DAB1: variants seen among roughly 807,000 people sequenced by gnomAD.
DAB1 encodes DAB adaptor protein 1, also known as disabled homolog 1.
In DAB1, 15 loss-of-function variants were observed where a neutral mutation model predicts 64.6. The observed-to-expected ratio is 0.23, with a 90% CI of 0.16 to 0.36. The LOEUF is 0.36. DAB1 is among the 10% of genes least tolerant of loss of function. The pLI, the probability that DAB1 is intolerant of heterozygous loss-of-function variation, is 1.00. For missense variants in DAB1, 596 were observed against 706.7 expected, an observed-to-expected ratio of 0.84 and a Z score of 1.78; for synonymous variants, 235 against 251.9, an observed-to-expected ratio of 0.93 and a Z score of 0.64.
intron 5 of DAB1, among the ~76,000 whole-genome samples, chr1:58,108,265 T>C (rs1026366435): frequency 6.6e-6 from 1 of 151,910 alleles, no homozygotes; most frequent in African/African-American, 2.4e-5. Context: ...ATGTCACAGG[T>C]GTGAGATGAG....
Position 57,539,827 on chromosome 1 carries a change from A to G in DAB1, n.625+109765T>C, listed in dbSNP as rs1339396825. Among the ~76,000 whole-genome samples the G allele has an allele frequency of 3.9e-5, 6 of 152,324 alleles. No individual in the cohort carries two copies. The East Asian group carries it at 7.7e-4, about 20-fold the overall frequency. On this transcript the variant is annotated intron_variant and non_coding_transcript_variant, in intron 7 of 20. Coordinates refer to the DAB1 transcript ENST00000485760. ...TGAGAGGAAAGTCTTTCTTCTTTACAGCAAACTTGGGCACATTGACAAGGT... is the reference window on the plus strand; with the variant it reads ...TGAGAGGAAAGTCTTTCTTCTTTACGGCAAACTTGGGCACATTGACAAGGT...
chr1:58,499,133 A>G (rs913913445), intron 3 of DAB1, among the ~76,000 whole-genome samples: 1 of 152,058 alleles, frequency 6.6e-6, no homozygotes. Context: ...AGCCAGGTAC[A>G]GAAAGAAAAA....
chr1:57,136,622 C>A lies in DAB1; in HGVS notation c.227G>T (p.Arg76Leu). 1 of 1,532,230 alleles carries A rather than the reference C, an allele frequency of 6.5e-7. No individual in the cohort carries two copies. Among genetic ancestry groups the A allele is most frequent in the Non-Finnish European group, 8.9e-7 (1 of 1,124,450 alleles). The allele number at this position is 1,532,230 out of a possible 1,614,324, so 94.9% of individuals were successfully genotyped here. A position where few individuals can be genotyped will look rare whatever the true frequency, so the allele number is the denominator to read the frequency against. The change falls in exon 4 of 15, where the codon CGT (arginine) becomes CTT (leucine). Residue 76 changes from arginine to leucine, a missense_variant. Arg to Leu is a moderately radical substitution (Grantham distance 102). Coordinates refer to ENST00000371236, the MANE Select transcript of DAB1 (RefSeq NM_001365792.1). The stretch of plus-strand genomic sequence containing the variant: ...TTTCTGTTTGTGTTCTCCTTTGGAA[C>A]GAGCGCCAGCAACAACGCCCTGTTG... Reference protein sequence around the residue: ...MKLKGVVAGARSKGEHKQKIF... With the variant: ...MKLKGVVAGALSKGEHKQKIF...
At chr1:57,325,472 C>T (rs1676079706) in intron 1 of DAB1, among the ~76,000 whole-genome samples, 1 of 152,202 alleles carries the variant, frequency 6.6e-6, no homozygotes, top group Non-Finnish European at 1.5e-5. Flanking sequence ...GGTGTGAGGA[C>T]TAAATGAACC....
At chr1:57,689,771 T>G (rs2101711171) in intron 6 of DAB1, among the ~76,000 whole-genome samples, 1 of 152,240 alleles carries the variant, frequency 6.6e-6, no homozygotes, top group South Asian at 2.1e-4. Flanking sequence ...ATAATCCAAT[T>G]ATACTCTTTC....
At chr1:57,139,428 G>A (rs912123161) in intron 3 of DAB1, among the ~76,000 whole-genome samples, 1 of 152,076 alleles carries the variant, frequency 6.6e-6, no homozygotes, top group Non-Finnish European at 1.5e-5. Context: ...CCAGAACTGT[G>A]AGAAAACAAA....
chr1:57,115,010 G>T (rs897292628), intron 4 of DAB1, among the ~76,000 whole-genome samples: 1 of 152,100 alleles, frequency 6.6e-6, no homozygotes, highest in African/African-American at 2.4e-5. Context: ...TGCATGTAAA[G>T]TGTGCAGTGC....
chr1:57,081,172 C>T (rs1652513812), intron 4 of DAB1, among the ~76,000 whole-genome samples: 1 of 152,212 alleles, frequency 6.6e-6, no homozygotes, highest in South Asian at 2.1e-4. Flanking sequence ...CCTTATTTCA[C>T]TGAGGCTCAG....
intron 2 of DAB1, among the ~76,000 whole-genome samples, chr1:57,153,905 T>C (rs898582437): frequency 3.9e-5 from 6 of 151,996 alleles, no homozygotes; most frequent in South Asian, 2.1e-4. Context: ...TTCCAAAGTG[T>C]TGGGATTACA....
chr1:58,094,573 G>A (rs993119737), intron 5 of DAB1, among the ~76,000 whole-genome samples: 1 of 152,230 alleles, frequency 6.6e-6, no homozygotes, highest in Non-Finnish European at 1.5e-5. Context: ...GTTTCTTCAA[G>A]TGAAGTTAAA....
intron 4 of DAB1, among the ~76,000 whole-genome samples, chr1:58,249,239 A>C (rs184883560): frequency 4.5e-4 from 69 of 151,800 alleles, no homozygotes; most frequent in African/African-American, 1.6e-3. Context: ...TGCCACCACC[A>C]CATATTTGAA....
intron 4 of DAB1, among the ~76,000 whole-genome samples, chr1:58,234,950 A>G (rs753805680): frequency 6.6e-6 from 1 of 152,224 alleles, no homozygotes; most frequent in Non-Finnish European, 1.5e-5. Context: ...TTGAAGGAAA[A>G]GTACAGGATA....
intron 4 of DAB1, among the ~76,000 whole-genome samples, chr1:58,201,544 C>T (rs1263650826): frequency 6.6e-6 from 1 of 152,184 alleles, no homozygotes; most frequent in Non-Finnish European, 1.5e-5. Flanking sequence ...CAAATGTACA[C>T]TTAAAAGTAG....
At chr1:57,053,688 A>ATATATATATATATT (rs1447741565) in intron 9 of DAB1, among the ~76,000 whole-genome samples, 143 of 71,388 alleles carry the variant, frequency 2.0e-3, no homozygotes, top group African/African-American at 4.7e-3. Context: ...ATATATATAT[A>ATATATATATATATT]TTTTTTTTTT....
At chr1:57,544,255 A>G (rs1197549517) in intron 7 of DAB1, among the ~76,000 whole-genome samples, 1 of 152,192 alleles carries the variant, frequency 6.6e-6, no homozygotes, top group Non-Finnish European at 1.5e-5. Context: ...CAGATTAGCA[A>G]TTCAACATTT....
intron 3 of DAB1, among the ~76,000 whole-genome samples, chr1:58,366,860 T>A (rs1210330433): frequency 1.3e-5 from 2 of 152,232 alleles, no homozygotes; most frequent in African/African-American, 2.4e-5. Flanking sequence ...CAAGGTTATA[T>A]TAACCCTTCT....
chr1:57,396,624 C>T (rs1361292935), intron 1 of DAB1, among the ~76,000 whole-genome samples: 3 of 152,126 alleles, frequency 2.0e-5, no homozygotes, highest in Admixed American at 6.5e-5. Context: ...GTTTTGAAAT[C>T]GCACTGGTTC....
intron 6 of DAB1, among the ~76,000 whole-genome samples, chr1:57,747,823 AAAAAAAAAAAG>A (rs1440371746): frequency 3.3e-5 from 5 of 151,146 alleles, no homozygotes; most frequent in South Asian, 2.1e-4. Context: ...AAAAAAAAAA[AAAAAAAAAAAG>A]AATACCATTG....
At chr1:58,042,310 CTGTT>C (rs1477341844) in intron 5 of DAB1, among the ~76,000 whole-genome samples, 1 of 152,172 alleles carries the variant, frequency 6.6e-6, no homozygotes, top group African/African-American at 2.4e-5. Context: ...GGCTTTAAAA[CTGTT>C]TATTTTTACT....
Sources: gnomAD v4.1 joint callset for allele counts (sites outside exome capture counted in the v4.1 genomes callset) on GRCh38, gnomAD v4.1.1 for gene constraint, MANE v1.5 for transcripts, NCBI Gene and HGNC (gene_info 2026-07-23, HGNC 2026-07-21) for gene names.